Variants in KLF6 observed in about 807,000 individuals in gnomAD.
KLF6 encodes the protein Krueppel-like factor 6.
For synonymous variants in KLF6, 152 were observed against 147.9 expected, an observed-to-expected ratio of 1.03 and a Z score of -0.20; for missense variants, 233 against 359.8, an observed-to-expected ratio of 0.65 and a Z score of 2.85.
chr10:3,784,766 G>C, intron 1 of KLF6, 147 bp downstream of exon 1: 1 of 708,592 alleles, frequency 1.4e-6, no homozygotes, highest in Non-Finnish European at 2.1e-6. Flanking sequence ...CTGGAGGATC[G>C]ATCGGCGGGG....
In KLF6 at chr10:3,778,352, A is replaced by T. The variant is rs116234421; in HGVS notation, c.*1187T>A. On this transcript the variant is annotated 3_prime_UTR_variant, in exon 4 of 4. Coordinates refer to ENST00000497571, the MANE Select transcript of KLF6 (RefSeq NM_001300.6). ...AAAACCAGAAATTAGTCCTCAAGGC[A>T]TAAATAAGAGAAACATAGCTGCATG... The T allele has an allele frequency of 1.4e-4, 76 of 524,902 alleles. No individual in the cohort carries two copies. The highest frequency in any genetic ancestry group is 1.2e-3 in the African/African-American group (63 of 53,434). The allele number at this position is 524,902 out of a possible 1,614,324, so 32.5% of individuals were successfully genotyped here.
chr10:3,781,069 G>A lies in KLF6; in HGVS notation c.676+572C>T, dbSNP rs898003697. The A allele has an allele frequency of 1.8e-5, 3 of 170,840 alleles. No homozygotes were observed. Among genetic ancestry groups the A allele is most frequent in the Middle Eastern group, 5.0e-3 (2 of 400 alleles). The allele number at this position is 170,840 out of a possible 1,614,324, so 10.6% of individuals were successfully genotyped here. On this transcript the variant is annotated intron_variant, in intron 2 of 3. Coordinates refer to ENST00000497571, the MANE Select transcript of KLF6 (RefSeq NM_001300.6). This position sits in a 1 kb window ranked among gnomAD's most constrained non-coding sequence, Gnocchi z 5.8. ...ATTTTTAAATAGCACTTTCACCTAG[G>A]TATGGCATTTCATTAAGAAACTGTT...
At position 3,778,164 on chromosome 10, in the gene KLF6, A is replaced by C. The variant is rs943995667; in HGVS notation, c.*1375T>G. 1 of 521,054 alleles carries C rather than the reference A, an allele frequency of 1.9e-6. No homozygotes were observed. The highest frequency in any genetic ancestry group is 3.7e-6 in the Non-Finnish European group (1 of 267,992). The allele number at this position is 521,054 out of a possible 1,614,324, so 32.3% of individuals were successfully genotyped here. A position where few individuals can be genotyped will look rare whatever the true frequency, so the allele number is the denominator to read the frequency against. ...CTATGTCTTTGTGAAGGAGGACCTTAAAGAGATTTTTTTTCTGTATTATAC... is the reference window on the plus strand; with the variant it reads ...CTATGTCTTTGTGAAGGAGGACCTTCAAGAGATTTTTTTTCTGTATTATAC... On this transcript the variant is annotated 3_prime_UTR_variant, in exon 4 of 4. Transcript: ENST00000497571.
chr10:3,781,594 G>A lies in KLF6; in HGVS notation c.676+47C>T. ...CTCCCTCCAGGGCTGGTGCAATGCA[G>A]TGGCGCCCACCAGCGGCCGCCCTCC... On this transcript the variant is annotated intron_variant, in intron 2 of 3. Coordinates refer to ENST00000497571, the MANE Select transcript of KLF6 (RefSeq NM_001300.6). The surrounding 1 kb of genome is among the most constrained non-coding windows in gnomAD (Gnocchi z 5.8). The A allele has an allele frequency of 6.2e-7, 1 of 1,604,326 alleles. No individual in the cohort carries two copies. The highest frequency in any genetic ancestry group is 8.5e-7 in the Non-Finnish European group (1 of 1,175,336).
chr10:3,778,936 AG>A lies in KLF6; in HGVS notation c.*602del. 1.9e-6 allele frequency: 1 copy of A among 534,542 alleles called. No individual in the cohort carries two copies. The highest frequency in any genetic ancestry group is 3.6e-6 in the Non-Finnish European group (1 of 276,492). 33.1% of individuals were successfully genotyped at this position (534,542 alleles called of 1,614,324 possible). Reference sequence around the variant, plus strand: ...ACTAAGAGTTCCTCTCACACAGAAAAGGGGGAGAGAGGCTCTCCCTCCCCAC... The same window carrying A: ...ACTAAGAGTTCCTCTCACACAGAAAAGGGGAGAGAGGCTCTCCCTCCCCAC... On this transcript the variant is annotated 3_prime_UTR_variant, in exon 4 of 4. Coordinates refer to ENST00000497571, the MANE Select transcript of KLF6 (RefSeq NM_001300.6).
At position 3,777,921 on chromosome 10, in the gene KLF6, G is replaced by GT. The variant is rs200387079; in HGVS notation, c.*1617_*1618insA. 6.1e-6 allele frequency: 3 copies of GT among 492,830 alleles called. No homozygotes were observed. Among genetic ancestry groups the GT allele is most frequent in the Non-Finnish European group, 1.2e-5 (3 of 250,776 alleles). 30.5% of individuals were successfully genotyped at this position (492,830 alleles called of 1,614,324 possible). A position where few individuals can be genotyped will look rare whatever the true frequency, so the allele number is the denominator to read the frequency against. On this transcript the variant is annotated 3_prime_UTR_variant, in exon 4 of 4. Coordinates refer to ENST00000497571, the MANE Select transcript of KLF6 (RefSeq NM_001300.6). ...TTTAAGCAAATACATTAACATTGGG[G>GT]GTTTTTTAATACTTCTGTATCTTTA... is the stretch of plus-strand genomic sequence containing the variant.
intron 1 of KLF6, 78 bp downstream of exon 1, chr10:3,784,835 G>A: frequency 2.2e-6 from 3 of 1,379,774 alleles, no homozygotes; most frequent in Non-Finnish European, 2.0e-6. Flanking sequence ...ACCGCAGAGA[G>A]CACCGGGTCT....
In KLF6 at chr10:3,776,905, A is replaced by G; in HGVS notation, c.*2634T>C. 2 of 521,434 alleles carry G rather than the reference A, an allele frequency of 3.8e-6. No homozygotes were observed. Among genetic ancestry groups the G allele is most frequent in the South Asian group, 3.2e-5 (2 of 62,892 alleles). 32.3% of individuals were successfully genotyped at this position (521,434 alleles called of 1,614,324 possible). A position where few individuals can be genotyped will look rare whatever the true frequency, so the allele number is the denominator to read the frequency against. The stretch of plus-strand genomic sequence containing the variant: ...AGCTCCGACATGTTTCGTAAGTGAG[A>G]CAAGCCAGTGCAAGTTTTTTTTTTT... On this transcript the variant is annotated 3_prime_UTR_variant, in exon 4 of 4. Coordinates refer to ENST00000497571, the MANE Select transcript of KLF6 (RefSeq NM_001300.6).
In KLF6 at chr10:3,785,120, C is replaced by T. The variant is rs947821714; in HGVS notation, c.-106G>A. On this transcript the variant is annotated 5_prime_UTR_variant, in exon 1 of 4. Transcript: ENST00000497571. ...AGCGCAGGTGAAAGTTTCATGCAAACTCCAGGCTCGCAGAGACGCCCGGCC... is the reference window on the plus strand; with the variant it reads ...AGCGCAGGTGAAAGTTTCATGCAAATTCCAGGCTCGCAGAGACGCCCGGCC... 4.5e-6 allele frequency: 7 copies of T among 1,561,610 alleles called. No individual in the cohort carries two copies. Among genetic ancestry groups the T allele is most frequent in the Non-Finnish European group, 6.1e-6 (7 of 1,155,250 alleles).
chr10:3,782,078 T>C lies in KLF6; in HGVS notation c.239A>G (p.Lys80Arg). 4 of 1,614,198 alleles carry C rather than the reference T, an allele frequency of 2.5e-6. No individual in the cohort carries two copies. The highest frequency in any genetic ancestry group is 2.7e-5 in the African/African-American group (2 of 75,044). The stretch of plus-strand genomic sequence containing the variant: ...GTCCTCTGGAGGACTGGAAGATATC[T>C]TCAGTTCGGATTCCTCCTTTTTCTC... Reference protein sequence around the residue: ...AREKKEESELKISSSPPEDTL... With the variant: ...AREKKEESELRISSSPPEDTL... The change falls in exon 2 of 4, where the codon AAG becomes AGG. Residue 80 changes from lysine to arginine, a missense_variant. Lys to Arg is a conservative substitution (Grantham distance 26). Coordinates refer to ENST00000497571, the MANE Select transcript of KLF6 (RefSeq NM_001300.6). The surrounding 1 kb of genome is among the most constrained non-coding windows in gnomAD (Gnocchi z 4.3).
In KLF6 at chr10:3,784,811, C is replaced by T. The variant is rs1039945829; in HGVS notation, c.102+102G>A. ...CCGCTCCCCCGGTGACAGCGCGGGG[C>T]CCAGGCCCAGCGGACCGCAGAGAGC... On this transcript the variant is annotated intron_variant, in intron 1 of 3. Coordinates refer to ENST00000497571, the MANE Select transcript of KLF6 (RefSeq NM_001300.6). The T allele has an allele frequency of 1.5e-4, 165 of 1,110,318 alleles. No homozygotes were observed. In the Admixed American group the frequency reaches 2.0e-3, roughly 13 times the overall value. The allele number at this position is 1,110,318 out of a possible 1,614,324, so 68.8% of individuals were successfully genotyped here.
rs1362776836 is a variant in KLF6, at chr10:3,780,096, A to G, written c.800+10T>C. The G allele has an allele frequency of 6.2e-7, 1 of 1,613,992 alleles. No homozygotes were observed. Among genetic ancestry groups the G allele is most frequent in the African/African-American group, 1.3e-5 (1 of 74,928 alleles). On this transcript the variant is annotated intron_variant, in intron 3 of 3. Transcript: ENST00000497571. This position sits in a 1 kb window ranked among gnomAD's most constrained non-coding sequence, Gnocchi z 4.6. ...ACGCTCCTTGCCCAGCATTGTCCTCAGGCACGTACCTGTCACAGTGGGAGC... is the reference window on the plus strand; with the variant it reads ...ACGCTCCTTGCCCAGCATTGTCCTCGGGCACGTACCTGTCACAGTGGGAGC...
In KLF6 at chr10:3,785,138, GC is replaced by G; in HGVS notation, c.-125del. 1 of 1,535,114 alleles carries G rather than the reference GC, an allele frequency of 6.5e-7. No individual in the cohort carries two copies. Among genetic ancestry groups the G allele is most frequent in the Non-Finnish European group, 8.8e-7 (1 of 1,140,142 alleles). ...ATGCAAACTCCAGGCTCGCAGAGAC[GC>G]CCGGCCGGACCCTCCCGCAGCCCGC... On this transcript the variant is annotated 5_prime_UTR_variant, in exon 1 of 4. Coordinates refer to ENST00000497571, the MANE Select transcript of KLF6 (RefSeq NM_001300.6).
At position 3,782,301 on chromosome 10, in the gene KLF6, G is replaced by A. The variant is rs944857666; in HGVS notation, c.103-87C>T. 1.8e-6 allele frequency: 2 copies of A among 1,091,146 alleles called. No homozygotes were observed. Among genetic ancestry groups the A allele is most frequent in the Middle Eastern group, 2.0e-4 (1 of 5,106 alleles). 67.6% of individuals were successfully genotyped at this position (1,091,146 alleles called of 1,614,324 possible). ...GCAATTTCCAAAAACATGCAAGAATGAAGGACAGATAACATTGCTGCCCGG... is the reference window on the plus strand; with the variant it reads ...GCAATTTCCAAAAACATGCAAGAATAAAGGACAGATAACATTGCTGCCCGG... On this transcript the variant is annotated intron_variant, in intron 1 of 3. Transcript: ENST00000497571. This position sits in a 1 kb window ranked among gnomAD's most constrained non-coding sequence, Gnocchi z 4.3.
chr10:3,780,775 T>G lies in KLF6; in HGVS notation c.677-546A>C, dbSNP rs1832498591. The G allele has an allele frequency of 5.4e-6, 1 of 186,772 alleles. No individual in the cohort carries two copies. The highest frequency in any genetic ancestry group is 2.3e-5 in the African/African-American group (1 of 42,878). The allele number at this position is 186,772 out of a possible 1,614,324, so 11.6% of individuals were successfully genotyped here. On this transcript the variant is annotated intron_variant, in intron 2 of 3. Coordinates refer to ENST00000497571, the MANE Select transcript of KLF6 (RefSeq NM_001300.6). This position sits in a 1 kb window ranked among gnomAD's most constrained non-coding sequence, Gnocchi z 4.6. The stretch of plus-strand genomic sequence containing the variant: ...CAACTGGGTTCACTTCATTCCTTGG[T>G]CAAATCATAAATATGAATTTACTAC...
rs769136533 is a variant in KLF6 at position 3,781,203 on chromosome 10, G to A, written c.676+438C>T. The A allele has an allele frequency of 6.8e-5, 27 of 394,730 alleles. No individual in the cohort carries two copies. The highest frequency in any genetic ancestry group is 8.6e-5 in the Non-Finnish European group (19 of 220,356). The allele number at this position is 394,730 out of a possible 1,614,324, so 24.5% of individuals were successfully genotyped here. On this transcript the variant is annotated intron_variant, in intron 2 of 3. Transcript: ENST00000497571. The surrounding 1 kb of genome is among the most constrained non-coding windows in gnomAD (Gnocchi z 5.8). Reference sequence around the variant, plus strand: ...AGCAGGCCGGTCCCACTCGGGCCTCGGGCCGTCAGCATCAAACCCACACAC... The same window carrying A: ...AGCAGGCCGGTCCCACTCGGGCCTCAGGCCGTCAGCATCAAACCCACACAC...
chr10:3,781,572 C>A lies in KLF6; in HGVS notation c.676+69G>T. On this transcript the variant is annotated intron_variant, in intron 2 of 3. Transcript: ENST00000497571. The surrounding 1 kb of genome is among the most constrained non-coding windows in gnomAD (Gnocchi z 5.8). ...CATCCTGTGCAGCCAGGCCCGGCTC[C>A]CTCCAGGGCTGGTGCAATGCAGTGG... is the stretch of plus-strand genomic sequence containing the variant. 6.3e-7 allele frequency: 1 copy of A among 1,592,938 alleles called. No homozygotes were observed. The highest frequency in any genetic ancestry group is 2.3e-5 in the East Asian group (1 of 43,432).
Position 3,781,378 on chromosome 10 carries a change from G to C in KLF6, c.676+263C>G. On this transcript the variant is annotated intron_variant, in intron 2 of 3. Transcript: ENST00000497571. The surrounding 1 kb of genome is among the most constrained non-coding windows in gnomAD (Gnocchi z 5.8). ...ACTAAGGGGTGGGGGGTGGAGGTTT[G>C]GGTGTCCGTGGAGAAAAGGATCTAG... is the stretch of plus-strand genomic sequence containing the variant. 6.9e-7 allele frequency: 1 copy of C among 1,451,604 alleles called. No homozygotes were observed. The highest frequency in any genetic ancestry group is 9.1e-7 in the Non-Finnish European group (1 of 1,099,854). 89.9% of individuals were successfully genotyped at this position (1,451,604 alleles called of 1,614,324 possible).
rs866307815 is a variant in KLF6, at chr10:3,782,105, C to T, written c.212G>A (p.Arg71Gln). ...EDLWTKIILA[R>Q]EKKEESELKI... ...CAGTTCGGATTCCTCCTTTTTCTCC[C>T]GAGCCAGAATGATTTTGGTCCACAG... The change falls in exon 2 of 4, where the codon CGG (arginine) becomes CAG (glutamine). Residue 71 changes from arginine (R) to glutamine (Q), a missense_variant. Coordinates refer to ENST00000497571, the MANE Select transcript of KLF6 (RefSeq NM_001300.6). This position sits in a 1 kb window ranked among gnomAD's most constrained non-coding sequence, Gnocchi z 4.3. 12 of 1,613,896 alleles carry T rather than the reference C, an allele frequency of 7.4e-6. No individual in the cohort carries two copies. The highest frequency in any genetic ancestry group is 1.1e-5 in the South Asian group (1 of 91,076).
Sources: allele counts gnomAD v4.1 joint callset, GRCh38; gene constraint gnomAD v4.1.1; non-coding constraint Gnocchi (gnomAD v3.1); transcripts MANE v1.5; gene names NCBI Gene and HGNC (gene_info 2026-07-23, HGNC 2026-07-21).